Variants in CSMD1 observed in about 807,000 individuals in gnomAD.
CSMD1 encodes the protein CUB and Sushi multiple domains 1, also known as CUB and sushi domain-containing protein 1.
CSMD1 carries 213 observed loss-of-function variants against 417.5 expected under a neutral mutation model. The observed-to-expected ratio is 0.51, with a 90% CI of 0.46 to 0.57. CSMD1 has a LOEUF of 0.57. Among genes scored for constraint, CSMD1 ranks in the 20% least tolerant of loss-of-function variants. The pLI, the probability that CSMD1 is intolerant of heterozygous loss-of-function variation, is 0.00. For missense variants in CSMD1, 6,923 were observed against 4,529.7 expected, an observed-to-expected ratio of 1.53 and a Z score of -15.17; for synonymous variants, 2,862 against 1,736.8, an observed-to-expected ratio of 1.65 and a Z score of -16.11.
intron 3 of CSMD1, among the ~76,000 whole-genome samples, chr8:4,249,936 A>G (rs1467631737): frequency 6.6e-6 from 1 of 152,178 alleles, no homozygotes; most frequent in African/African-American, 2.4e-5. Flanking sequence ...TTAGGTTATG[A>G]GGGCTTTGCA....
chr8:3,182,983 C>G (rs1485209994), intron 36 of CSMD1: 2 of 143,424 alleles, frequency 1.4e-5, no homozygotes, highest in Non-Finnish European at 3.0e-5. Context: ...TGGTCTCGAT[C>G]AACTGACCTC....
chr8:4,118,127 G>T lies in CSMD1; in HGVS notation c.416-86028C>A, dbSNP rs536221402. On this transcript the variant is annotated intron_variant, in intron 3 of 69. Coordinates refer to ENST00000635120, the MANE Select transcript of CSMD1 (RefSeq NM_033225.6). ...TGTTTGCAGGTGTACAGAATAGTGAGGAAACGGCCCTTGGCAGACTCTCAG... is the reference window on the plus strand; with the variant it reads ...TGTTTGCAGGTGTACAGAATAGTGATGAAACGGCCCTTGGCAGACTCTCAG... Among the ~76,000 whole-genome samples, 49 of 152,150 alleles carry T rather than the reference G, an allele frequency of 3.2e-4. 1 individual carries two copies. The South Asian group carries it at 9.2e-3, about 28-fold the overall frequency.
chr8:3,716,499 A>C (rs917234134), intron 6 of CSMD1, among the ~76,000 whole-genome samples: 3 of 152,146 alleles, frequency 2.0e-5, no homozygotes, highest in Admixed American at 2.0e-4. Context: ...GTAAACTGTA[A>C]ACTGTCATGG....
chr8:4,683,114 T>A lies in CSMD1; in HGVS notation c.86-45556A>T, dbSNP rs569575553. Among the ~76,000 whole-genome samples, 33 of 151,562 alleles carry A rather than the reference T, an allele frequency of 2.2e-4. 1 individual carries two copies. The South Asian group carries it at 5.6e-3, about 26-fold the overall frequency. ...GAGAAGTTTCAATTTGTACTATTAT[T>A]TACATGTAACTTATGAATTAGTATG... is the stretch of plus-strand genomic sequence containing the variant. On this transcript the variant is annotated intron_variant, in intron 1 of 69. Coordinates refer to ENST00000635120, the MANE Select transcript of CSMD1 (RefSeq NM_033225.6).
chr8:4,747,710 G>C (rs1484284228), intron 1 of CSMD1, among the ~76,000 whole-genome samples: 1 of 151,924 alleles, frequency 6.6e-6, no homozygotes, highest in African/African-American at 2.4e-5. Flanking sequence ...CATCATCCTG[G>C]TCTCTAGATG....
chr8:3,865,518 G>T (rs1353094835), intron 5 of CSMD1, among the ~76,000 whole-genome samples: 2 of 152,034 alleles, frequency 1.3e-5, no homozygotes, highest in Admixed American at 6.6e-5. Context: ...GTGGGGGAAA[G>T]AGTTGGGGGT....
chr8:3,297,123 G>A (rs1804029123), intron 25 of CSMD1, among the ~76,000 whole-genome samples: 1 of 152,158 alleles, frequency 6.6e-6, no homozygotes, highest in Non-Finnish European at 1.5e-5. Context: ...AATAAAAAAT[G>A]TGCAGGACTT....
At position 3,353,719 on chromosome 8, in the gene CSMD1, A is replaced by G. The variant is rs73173122; in HGVS notation, c.3304+5433T>C. ...GCAGAATTAAATGTTTCATTTTAAAAAAGTTTTTCAATAGTCTATTTAATA... is the reference window on the plus strand; with the variant it reads ...GCAGAATTAAATGTTTCATTTTAAAGAAGTTTTTCAATAGTCTATTTAATA... On this transcript the variant is annotated intron_variant, in intron 21 of 69. Coordinates refer to ENST00000635120, the MANE Select transcript of CSMD1 (RefSeq NM_033225.6). 6.3e-3 allele frequency among the ~76,000 whole-genome samples: 952 copies of G among 152,060 alleles called. 6 individuals carry two copies. Among genetic ancestry groups the G allele is most frequent in the Non-Finnish European group, 0.01 (682 of 67,990 alleles).
chr8:3,558,315 A>C (rs1453236390), intron 10 of CSMD1, among the ~76,000 whole-genome samples: 1 of 136,750 alleles, frequency 7.3e-6, no homozygotes, highest in African/African-American at 2.6e-5. Flanking sequence ...TCACTCCTCC[A>C]ATGATGAATG....
At chr8:4,983,309 C>T (rs1006777977) in intron 1 of CSMD1, among the ~76,000 whole-genome samples, 1 of 152,088 alleles carries the variant, frequency 6.6e-6, no homozygotes, top group African/African-American at 2.4e-5. Flanking sequence ...ATGTTGATGA[C>T]AAATTAATTT....
At chr8:4,105,178 T>C (rs1801505004) in intron 3 of CSMD1, among the ~76,000 whole-genome samples, 1 of 152,198 alleles carries the variant, frequency 6.6e-6, no homozygotes. Context: ...ATTCCATGGA[T>C]GCCATACATC....
chr8:4,427,490 CA>C (rs1563162252), intron 2 of CSMD1, among the ~76,000 whole-genome samples: 1 of 5,546 alleles, frequency 1.8e-4, no homozygotes, highest in Non-Finnish European at 3.9e-4. Context: ...TAATCAAATA[CA>C]CACACACACA....
intron 3 of CSMD1, among the ~76,000 whole-genome samples, chr8:4,220,866 C>T (rs985874741): frequency 6.6e-6 from 1 of 152,134 alleles, no homozygotes; most frequent in Non-Finnish European, 1.5e-5. Flanking sequence ...CTTGGGGTAA[C>T]AAGTAAGAAG....
chr8:3,078,090 A>AT (rs1191875022), intron 49 of CSMD1, among the ~76,000 whole-genome samples: 1 of 152,168 alleles, frequency 6.6e-6, no homozygotes, highest in Non-Finnish European at 1.5e-5. Flanking sequence ...CCATTATAGC[A>AT]TTTTTAAAAT....
At chr8:4,336,224 G>A (rs886584158) in intron 3 of CSMD1, among the ~76,000 whole-genome samples, 6 of 152,182 alleles carry the variant, frequency 3.9e-5, no homozygotes. Flanking sequence ...GAATGCACCT[G>A]TAGGTTCAAG....
chr8:3,524,783 G>C lies in CSMD1; in HGVS notation c.1345-31057C>G, dbSNP rs867837490. On this transcript the variant is annotated intron_variant, in intron 10 of 69. Transcript: ENST00000635120. ...ACATGCACATATGCAAGTGCACCGA[G>C]AGACATGCACACAGAAGTACACACA... Among the ~76,000 whole-genome samples, 13 of 148,594 alleles carry C rather than the reference G, an allele frequency of 8.7e-5. 1 individual carries two copies. In the South Asian group the frequency reaches 2.1e-3, roughly 24 times the overall value.
intron 7 of CSMD1, among the ~76,000 whole-genome samples, chr8:3,685,210 T>C (rs1462130955): frequency 2.6e-5 from 4 of 152,248 alleles, no homozygotes; most frequent in Non-Finnish European, 4.4e-5. Context: ...TTGAAGCCAC[T>C]GCCCTTGTTT....
At chr8:4,745,233 C>A (rs1341891721) in intron 1 of CSMD1, among the ~76,000 whole-genome samples, 2 of 152,088 alleles carry the variant, frequency 1.3e-5, no homozygotes, top group Non-Finnish European at 2.9e-5. Context: ...GTTGTCTCAG[C>A]AGTTTTTGGT....
intron 25 of CSMD1, 145 bp from the exon 26 acceptor site, chr8:3,284,491 A>C: frequency 1.6e-6 from 1 of 641,450 alleles, no homozygotes; most frequent in Non-Finnish European, 2.8e-6. Context: ...ATGAAGGATG[A>C]GGAAAATGAG....
Sources: gnomAD v4.1 joint callset for allele counts (sites outside exome capture counted in the v4.1 genomes callset) on GRCh38, gnomAD v4.1.1 for gene constraint, MANE v1.5 for transcripts, NCBI Gene and HGNC (gene_info 2026-07-23, HGNC 2026-07-21) for gene names.